Variants in WRN observed in about 807,000 individuals in gnomAD.
WRN encodes bifunctional 3'-5' exonuclease/ATP-dependent helicase WRN.
A neutral mutation model predicts 180.7 loss-of-function variants in WRN; 149 were observed. The observed-to-expected ratio is 0.82, with a 90% confidence interval of 0.72 to 0.94. The LOEUF is 0.94. WRN is among the 40% of genes least tolerant of loss of function. The pLI, the probability that WRN is intolerant of heterozygous loss-of-function variation, is 0.00. For synonymous variants in WRN, 548 were observed against 568.9 expected, an observed-to-expected ratio of 0.96 and a Z score of 0.52; for missense variants, 1,661 against 1,700.1, an observed-to-expected ratio of 0.98 and a Z score of 0.40.
chr8:31,084,818 T>A (rs1813461036), intron 10 of WRN, among the ~76,000 whole-genome samples: 1 of 152,208 alleles, frequency 6.6e-6, no homozygotes, highest in Non-Finnish European at 1.5e-5. Context: ...TTTTCAACAT[T>A]GTGAAGAGTT....
chr8:31,139,922 G>C (rs1802542630), intron 24 of WRN, among the ~76,000 whole-genome samples: 5 of 147,136 alleles, frequency 3.4e-5, no homozygotes. Flanking sequence ...AATGACCCTT[G>C]AATTACAATC....
intron 8 of WRN, 129 bp downstream of exon 8, chr8:31,076,416 A>C: frequency 1.4e-6 from 1 of 719,302 alleles, no homozygotes; most frequent in East Asian, 2.7e-5. Flanking sequence ...ACACACACAC[A>C]GACTGATGCA....
chr8:31,140,743 GTTTTT>G (rs1486854764), intron 24 of WRN, among the ~76,000 whole-genome samples: 2 of 151,858 alleles, frequency 1.3e-5, no homozygotes, highest in African/African-American at 4.8e-5. Flanking sequence ...TTCGCATTGC[GTTTTT>G]TTGTTTTGTT....
intron 24 of WRN, among the ~76,000 whole-genome samples, chr8:31,138,659 G>C (rs1182286630): frequency 6.6e-6 from 1 of 152,138 alleles, no homozygotes; most frequent in African/African-American, 2.4e-5. Flanking sequence ...TTGTACCTGG[G>C]TGTTTATATT....
intron 9 of WRN, among the ~76,000 whole-genome samples, chr8:31,082,646 G>A (rs1213198268): frequency 6.6e-6 from 1 of 151,914 alleles, no homozygotes; most frequent in Non-Finnish European, 1.5e-5. Flanking sequence ...GCCCAAGCTG[G>A]AGTGCCGTGG....
At chr8:31,117,819 T>A (rs931650716) in intron 20 of WRN, among the ~76,000 whole-genome samples, 1 of 152,166 alleles carries the variant, frequency 6.6e-6, no homozygotes, top group Non-Finnish European at 1.5e-5. Flanking sequence ...AAGCATCTGG[T>A]CTCTCTTTTC....
intron 12 of WRN, 112 bp downstream of exon 12, chr8:31,088,032 A>C (rs1252324527): frequency 9.2e-6 from 14 of 1,526,966 alleles, no homozygotes; most frequent in Non-Finnish European, 1.2e-5. Context: ...GCATATAGTT[A>C]ATTATTGGAT....
At chr8:31,149,490 T>TGG in intron 30 of WRN, among the ~76,000 whole-genome samples, 3 of 73,726 alleles carry the variant, frequency 4.1e-5, no homozygotes, top group African/African-American at 4.9e-5. Flanking sequence ...TTTTTTTTTT[T>TGG]TGGTGATAGA....
intron 18 of WRN, among the ~76,000 whole-genome samples, chr8:31,108,141 C>A (rs1801167936): frequency 6.6e-6 from 1 of 152,114 alleles, no homozygotes; most frequent in South Asian, 2.1e-4. Context: ...AACTTGCTGC[C>A]TGTTAAAAAA....
Position 31,076,300 on chromosome 8 carries a change from C to T in WRN, c.839+13C>T, listed in dbSNP as rs772603577. The T allele has an allele frequency of 6.6e-6, 9 of 1,360,338 alleles. No homozygotes were observed. The highest frequency in any genetic ancestry group is 4.4e-5 in the African/African-American group (3 of 67,710). 84.3% of individuals were successfully genotyped at this position (1,360,338 alleles called of 1,614,324 possible). A position where few individuals can be genotyped will look rare whatever the true frequency, so the allele number is the denominator to read the frequency against. ...AAAACCCACGGAGGTTAAATATTAC[C>T]TTTTTTTTTTTTAACTTAAATCAAT... is the stretch of plus-strand genomic sequence containing the variant. On this transcript the variant is annotated intron_variant, in intron 8 of 34. Transcript: ENST00000298139.
intron 7 of WRN, among the ~76,000 whole-genome samples, chr8:31,072,945 T>C (rs1812965887): frequency 6.6e-6 from 1 of 152,072 alleles, no homozygotes; most frequent in Non-Finnish European, 1.5e-5. Flanking sequence ...GGAGGAACAG[T>C]ACCTATAACT....
intron 16 of WRN, 74 bp from the exon 17 acceptor site, chr8:31,096,694 T>G: frequency 8.4e-7 from 1 of 1,193,666 alleles, no homozygotes; most frequent in Non-Finnish European, 1.2e-6. Context: ...CTTGAGATGA[T>G]TGTTTTCTTT....
chr8:31,166,946 A>G (rs536144296), intron 33 of WRN, 76 bp from the exon 34 acceptor site: 2 of 1,382,980 alleles, frequency 1.4e-6, no homozygotes, highest in East Asian at 2.4e-5. Context: ...AGAATATTTC[A>G]GTATTTCTAG....
chr8:31,096,921 A>T (rs1171087538), intron 17 of WRN, 71 bp downstream of exon 17: 86 of 1,324,832 alleles, frequency 6.5e-5, no homozygotes, highest in Non-Finnish European at 8.6e-5. Flanking sequence ...ATGGATGGAC[A>T]CTGGATTTCA....
intron 1 of WRN, among the ~76,000 whole-genome samples, chr8:31,034,572 A>G (rs2129879706): frequency 6.6e-6 from 1 of 152,188 alleles, no homozygotes; most frequent in East Asian, 1.9e-4. Context: ...GGATATTGGG[A>G]TAAGTAGGAC....
chr8:31,088,065 A>C, intron 12 of WRN, 145 bp downstream of exon 12: 1 of 1,420,762 alleles, frequency 7.0e-7, no homozygotes, highest in Non-Finnish European at 9.4e-7. Context: ...TTGTCTCCTT[A>C]GTGCTTTTGT....
At chr8:31,154,354 T>C (rs1393094703) in intron 31 of WRN, among the ~76,000 whole-genome samples, 1 of 152,142 alleles carries the variant, frequency 6.6e-6, no homozygotes, top group East Asian at 1.9e-4. Flanking sequence ...TTCCTTTTTT[T>C]AGTCCTTCTT....
At position 31,149,293 on chromosome 8, in the gene WRN, C is replaced by T. The variant is rs577927084; in HGVS notation, c.3573-1048C>T. Reference sequence around the variant, plus strand: ...GTGCCTGTAGTCCCAGTTACTCTGGCGGCTGAGGCAGGAGAATGGCGTGAA... The same window carrying T: ...GTGCCTGTAGTCCCAGTTACTCTGGTGGCTGAGGCAGGAGAATGGCGTGAA... On this transcript the variant is annotated intron_variant, in intron 30 of 34. Coordinates refer to ENST00000298139, the MANE Select transcript of WRN (RefSeq NM_000553.6). Among the ~76,000 whole-genome samples, 289 of 151,050 alleles carry T rather than the reference C, an allele frequency of 1.9e-3. 1 individual carries two copies. The highest frequency in any genetic ancestry group is 6.7e-3 in the African/African-American group (276 of 41,222).
intron 18 of WRN, among the ~76,000 whole-genome samples, chr8:31,110,000 T>G (rs555822744): frequency 2.6e-5 from 4 of 152,202 alleles, no homozygotes; most frequent in African/African-American, 4.8e-5. Context: ...CCAACCCTGT[T>G]TTCTTATGGA....
Sources: gnomAD v4.1 joint callset for allele counts (sites outside exome capture counted in the v4.1 genomes callset) on GRCh38, gnomAD v4.1.1 for gene constraint, MANE v1.5 for transcripts, NCBI Gene and HGNC (gene_info 2026-07-23, HGNC 2026-07-21) for gene names.